TULP4: variants seen among roughly 807,000 people sequenced by gnomAD.
TULP4 encodes the protein tubby-related protein 4.
A neutral mutation model predicts 129.0 loss-of-function variants in TULP4; 16 were observed. The ratio of observed to expected loss-of-function variants is 0.12; its 90% confidence interval spans 0.08 to 0.19. The LOEUF is 0.19. Ranked by LOEUF, TULP4 falls within the 10% of genes least tolerant of loss-of-function variation. TULP4 has a pLI of 1.00. For missense variants in TULP4, 1,842 were observed against 2,059.1 expected, an observed-to-expected ratio of 0.89 and a Z score of 2.04; for synonymous variants, 998 against 854.0, an observed-to-expected ratio of 1.17 and a Z score of -2.94.
At chr6:158,486,741 C>T (rs770615889) in intron 8 of TULP4, among the ~76,000 whole-genome samples, 8 of 152,076 alleles carry the variant, frequency 5.3e-5, no homozygotes, top group Non-Finnish European at 1.2e-4. Flanking sequence ...ATTTTGTTAT[C>T]GTAGCCTGAG....
At chr6:158,329,235 C>T (rs530444180) in intron 1 of TULP4, among the ~76,000 whole-genome samples, 2 of 152,126 alleles carry the variant, frequency 1.3e-5, no homozygotes, top group South Asian at 4.2e-4. Context: ...TTCCACTTGG[C>T]CTAGTTAGAT....
At chr6:158,392,026 T>C (rs1777595443) in intron 1 of TULP4, among the ~76,000 whole-genome samples, 1 of 152,192 alleles carries the variant, frequency 6.6e-6, no homozygotes, top group South Asian at 2.1e-4. Flanking sequence ...TTCATTTTCA[T>C]GCTGCTGAAA....
intron 1 of TULP4, among the ~76,000 whole-genome samples, chr6:158,403,060 G>T (rs565388184): frequency 6.6e-6 from 1 of 152,214 alleles, no homozygotes; most frequent in East Asian, 1.9e-4. Context: ...GAAAACTTGT[G>T]GGAATGAATA....
At chr6:158,366,685 G>C (rs1004340694) in intron 1 of TULP4, among the ~76,000 whole-genome samples, 1 of 152,126 alleles carries the variant, frequency 6.6e-6, no homozygotes, top group Admixed American at 6.5e-5. Context: ...TGTTTGTTCT[G>C]TTGGTAAACA....
chr6:158,338,189 A>T (rs906881720), intron 1 of TULP4, among the ~76,000 whole-genome samples: 1 of 152,102 alleles, frequency 6.6e-6, no homozygotes, highest in African/African-American at 2.4e-5. Flanking sequence ...CCTAGGCTGG[A>T]GTGCAGTAGT....
chr6:158,372,401 A>G (rs1389013629), intron 1 of TULP4, among the ~76,000 whole-genome samples: 3 of 152,070 alleles, frequency 2.0e-5, no homozygotes, highest in Non-Finnish European at 4.4e-5. Flanking sequence ...AGCATTTAAC[A>G]TTGAACCACA....
At chr6:158,244,399 AGT>A (rs1328417827) in intron 1 of TULP4, among the ~76,000 whole-genome samples, 1 of 152,182 alleles carries the variant, frequency 6.6e-6, no homozygotes, top group Non-Finnish European at 1.5e-5. Context: ...TTGTGGACTG[AGT>A]GTTTGAGTCC....
chr6:158,360,752 C>A (rs1386159349), intron 1 of TULP4, among the ~76,000 whole-genome samples: 2 of 152,138 alleles, frequency 1.3e-5, no homozygotes, highest in Non-Finnish European at 2.9e-5. Flanking sequence ...AAGTAAGAAG[C>A]CCTGAGCAAG....
chr6:158,311,536 G>T (rs1047669169), upstream of TULP4, among the ~76,000 whole-genome samples: 1 of 152,160 alleles, frequency 6.6e-6, no homozygotes, highest in African/African-American at 2.4e-5. Flanking sequence ...AAACAGCTGC[G>T]CTTTGCTCCG....
intron 2 of TULP4, among the ~76,000 whole-genome samples, chr6:158,415,350 T>C (rs1332349008): frequency 3.6e-5 from 3 of 84,220 alleles, no homozygotes; most frequent in Non-Finnish European, 9.4e-5. Context: ...AGTGTGCTTC[T>C]TTTTTTTTTT....
chr6:158,308,907 G>A (rs1418911723), upstream of TULP4, among the ~76,000 whole-genome samples: 20 of 141,250 alleles, frequency 1.4e-4, no homozygotes, highest in South Asian at 4.6e-4. Flanking sequence ...CCTCCCTCCC[G>A]GACGGGGCGG....
At chr6:158,427,440 A>C (rs1243670086) in intron 2 of TULP4, among the ~76,000 whole-genome samples, 2 of 144,562 alleles carry the variant, frequency 1.4e-5, no homozygotes, top group South Asian at 4.4e-4. Flanking sequence ...CTTACATGAA[A>C]TGGACAAATT....
At chr6:158,408,795 T>C (rs1007147187) in intron 1 of TULP4, among the ~76,000 whole-genome samples, 1 of 152,232 alleles carries the variant, frequency 6.6e-6, no homozygotes, top group Non-Finnish European at 1.5e-5. Context: ...CAGGGTGCTT[T>C]TGGTTCGTTA....
chr6:158,483,190 T>G (rs1779986839), intron 8 of TULP4, among the ~76,000 whole-genome samples: 1 of 152,086 alleles, frequency 6.6e-6, no homozygotes, highest in African/African-American at 2.4e-5. Flanking sequence ...AATTAAAAAG[T>G]CAAGATTTAA....
intron 6 of TULP4, among the ~76,000 whole-genome samples, chr6:158,462,108 A>G (rs537897195): frequency 6.6e-6 from 1 of 152,338 alleles, no homozygotes; most frequent in South Asian, 2.1e-4. Context: ...AACAAGAGAA[A>G]AACAAACAGA....
chr6:158,439,700 C>CTTTTT lies in TULP4; in HGVS notation c.544-9271_544-9267dup, dbSNP rs71030170. 4.2e-3 allele frequency among the ~76,000 whole-genome samples: 287 copies of CTTTTT among 68,264 alleles called. 43 individuals are homozygous for CTTTTT. Among genetic ancestry groups the CTTTTT allele is most frequent in the African/African-American group, 6.6e-3 (111 of 16,750 alleles). The allele number at this position is 68,264 out of a possible 152,430, so 44.8% of individuals were successfully genotyped here. ...CATGTAAGCTCTTGTACTAGAGTTT[C>CTTTTT]TTTTTTTTTTTTTTTTTTTTTTTTT... On this transcript the variant is annotated intron_variant, in intron 3 of 13. Transcript: ENST00000367097.
intron 1 of TULP4, among the ~76,000 whole-genome samples, chr6:158,283,409 A>G (rs1778790880): frequency 6.6e-6 from 1 of 152,236 alleles, no homozygotes; most frequent in Non-Finnish European, 1.5e-5. Context: ...TCCACTCTGT[A>G]TAACAAAATT....
chr6:158,378,457 G>A lies in TULP4; in HGVS notation c.253-34608G>A, dbSNP rs1311216392. Among the ~76,000 whole-genome samples, 4 of 91,942 alleles carry A rather than the reference G, an allele frequency of 4.4e-5. No homozygotes were observed. In the East Asian group the frequency reaches 8.3e-4, roughly 19 times the overall value. The allele number at this position is 91,942 out of a possible 152,430, so 60.3% of individuals were successfully genotyped here. A position where few individuals can be genotyped will look rare whatever the true frequency, so the allele number is the denominator to read the frequency against. ...TAAAAATTGAGCAGTTAGGATGGGG[G>A]AGCCAGTTTTTTTTTTTTTTTTTTT... On this transcript the variant is annotated intron_variant, in intron 1 of 13. Coordinates refer to ENST00000367097, the MANE Select transcript of TULP4 (RefSeq NM_020245.5).
chr6:158,371,188 T>A (rs1165853517), intron 1 of TULP4, among the ~76,000 whole-genome samples: 1 of 152,234 alleles, frequency 6.6e-6, no homozygotes, highest in Non-Finnish European at 1.5e-5. Flanking sequence ...TCTTTCCCAC[T>A]AGACTTAAAT....
Sources: gnomAD v4.1 joint callset for allele counts (sites outside exome capture counted in the v4.1 genomes callset) on GRCh38, gnomAD v4.1.1 for gene constraint, MANE v1.5 for transcripts, NCBI Gene and HGNC (gene_info 2026-07-23, HGNC 2026-07-21) for gene names.